Variants in PCNX2 observed in about 807,000 individuals in gnomAD.
PCNX2 encodes the protein pecanex 2, also known as pecanex-like protein 2.
A neutral mutation model predicts 223.8 loss-of-function variants in PCNX2; 168 were observed. The ratio of observed to expected loss-of-function variants is 0.75; its 90% CI spans 0.66 to 0.85. PCNX2 has a LOEUF of 0.85. Ranked by LOEUF, PCNX2 falls within the 40% of genes least tolerant of loss-of-function variation. The pLI is 0.00. For missense variants in PCNX2, 2,507 were observed against 2,675.5 expected, an observed-to-expected ratio of 0.94 and a Z score of 1.39; for synonymous variants, 1,006 against 1,052.6, an observed-to-expected ratio of 0.96 and a Z score of 0.86.
intron 25 of PCNX2, chr1:233,031,683 G>T: frequency 1.1e-6 from 1 of 932,756 alleles, no homozygotes; most frequent in African/African-American, 1.8e-5. Flanking sequence ...CCAGCCGGCT[G>T]CATTCATAAA....
chr1:233,174,112 TTA>T (rs1679326704), intron 17 of PCNX2, among the ~76,000 whole-genome samples: 2 of 146,172 alleles, frequency 1.4e-5, no homozygotes, highest in African/African-American at 4.9e-5. Context: ...AATTTGTATA[TTA>T]TATATAATAA....
At chr1:233,255,643 A>T (rs1659695243) in intron 5 of PCNX2, among the ~76,000 whole-genome samples, 1 of 152,220 alleles carries the variant, frequency 6.6e-6, no homozygotes, top group African/African-American at 2.4e-5. Context: ...CCTGAGAATA[A>T]TCCTAAGGCG....
chr1:233,052,296 T>C (rs1441022160), intron 25 of PCNX2, among the ~76,000 whole-genome samples: 1 of 152,230 alleles, frequency 6.6e-6, no homozygotes, highest in Non-Finnish European at 1.5e-5. Context: ...GATAATGGTG[T>C]TCAATCTGGG....
intron 21 of PCNX2, among the ~76,000 whole-genome samples, chr1:233,121,137 CT>C (rs1478565484): frequency 6.6e-6 from 1 of 151,600 alleles, no homozygotes; most frequent in Non-Finnish European, 1.5e-5. Flanking sequence ...TGTACAGTAT[CT>C]ATATGCAAAA....
At chr1:233,158,938 C>T (rs897823159) in intron 19 of PCNX2, among the ~76,000 whole-genome samples, 2 of 152,176 alleles carry the variant, frequency 1.3e-5, no homozygotes, top group Non-Finnish European at 2.9e-5. Context: ...CTTTCCTCTA[C>T]AAGTGGACTA....
At chr1:232,996,559 G>T (rs1669881324) in intron 32 of PCNX2, among the ~76,000 whole-genome samples, 1 of 152,150 alleles carries the variant, frequency 6.6e-6, no homozygotes, top group African/African-American at 2.4e-5. Context: ...CTTTTGAGCA[G>T]CGGATACCAC....
intron 5 of PCNX2, among the ~76,000 whole-genome samples, chr1:233,255,869 A>G (rs1292374527): frequency 6.6e-6 from 1 of 152,218 alleles, no homozygotes; most frequent in Non-Finnish European, 1.5e-5. Flanking sequence ...ATAATAACAA[A>G]TACTTTAGTG....
the PCNX2 span, among the ~76,000 whole-genome samples, chr1:233,310,777 T>C: frequency 6.6e-6 from 1 of 152,168 alleles, no homozygotes; most frequent in African/African-American, 2.4e-5. Context: ...TATTTGCTTC[T>C]GGTGAGGGCC....
At chr1:233,168,570 G>A (rs1678938875) in intron 17 of PCNX2, among the ~76,000 whole-genome samples, 1 of 151,974 alleles carries the variant, frequency 6.6e-6, no homozygotes, top group South Asian at 2.1e-4. Context: ...CATTAATTTA[G>A]TGAATGAAAT....
intron 19 of PCNX2, among the ~76,000 whole-genome samples, chr1:233,156,577 T>C (rs1336747356): frequency 6.6e-6 from 1 of 152,014 alleles, no homozygotes; most frequent in African/African-American, 2.4e-5. Flanking sequence ...GGGGAATCTA[T>C]TCAGGTTTAG....
intron 17 of PCNX2, among the ~76,000 whole-genome samples, chr1:233,164,321 C>T: frequency 6.6e-6 from 1 of 152,102 alleles, no homozygotes; most frequent in East Asian, 1.9e-4. Flanking sequence ...AGGAACCTTA[C>T]AGACTGTTGG....
chr1:233,143,555 C>T lies in PCNX2; in HGVS notation c.3518-3700G>A, dbSNP rs186017843. On this transcript the variant is annotated intron_variant, in intron 19 of 33. Coordinates refer to ENST00000258229, the MANE Select transcript of PCNX2 (RefSeq NM_014801.4). Reference sequence around the variant, plus strand: ...TGGACCCAATGAGTCAGAAATTCTGCGGATTGGGCCCTGGGCAAGGCAATC... The same window carrying T: ...TGGACCCAATGAGTCAGAAATTCTGTGGATTGGGCCCTGGGCAAGGCAATC... Among the ~76,000 whole-genome samples, 217 of 152,232 alleles carry T rather than the reference C, an allele frequency of 1.4e-3. 1 individual carries two copies. The highest frequency in any genetic ancestry group is 6.2e-4 in the South Asian group (3 of 4,826).
the PCNX2 span, among the ~76,000 whole-genome samples, chr1:233,326,892 G>A: frequency 6.6e-6 from 1 of 152,162 alleles, no homozygotes; most frequent in Admixed American, 6.5e-5. Context: ...CAGGGAGACT[G>A]GGGCATTTTC....
intron 32 of PCNX2, among the ~76,000 whole-genome samples, chr1:232,987,282 G>A (rs61823471): frequency 7.9e-4 from 121 of 152,350 alleles, no homozygotes; most frequent in Non-Finnish European, 1.6e-3. Flanking sequence ...ATGTGGTTGT[G>A]TCCATGCTGC....
chr1:233,288,806 T>C (rs1661589542), intron 1 of PCNX2: 5 of 32,644 alleles, frequency 1.5e-4, no homozygotes, highest in South Asian at 3.4e-4. Context: ...AAGATGCCCT[T>C]TTTTTTTTTT....
intron 8 of PCNX2, among the ~76,000 whole-genome samples, chr1:233,242,102 A>G (rs1237495841): frequency 1.3e-5 from 2 of 152,204 alleles, no homozygotes; most frequent in Admixed American, 1.3e-4. Context: ...AGGAGGTAGT[A>G]AAGATTAAGT....
At chr1:233,195,212 A>C (rs1680657373) in intron 15 of PCNX2, among the ~76,000 whole-genome samples, 1 of 152,194 alleles carries the variant, frequency 6.6e-6, no homozygotes, top group South Asian at 2.1e-4. Context: ...TGCTTTAAAA[A>C]AAATCAATAT....
chr1:233,093,444 C>T (rs779650874), intron 22 of PCNX2, among the ~76,000 whole-genome samples: 2 of 152,136 alleles, frequency 1.3e-5, no homozygotes, highest in Admixed American at 6.5e-5. Context: ...TGAGATGGAG[C>T]CCACAGCTTC....
chr1:233,178,150 T>C (rs1031469246), intron 16 of PCNX2, among the ~76,000 whole-genome samples: 3 of 152,238 alleles, frequency 2.0e-5, no homozygotes, highest in African/African-American at 7.2e-5. Context: ...CAGTGGGACA[T>C]GGGGAAGGTC....
Sources: allele counts gnomAD v4.1 joint callset (sites outside exome capture counted in the v4.1 genomes callset), GRCh38; gene constraint gnomAD v4.1.1; transcripts MANE v1.5; gene names NCBI Gene and HGNC (gene_info 2026-07-23, HGNC 2026-07-21).